Variants in SRGAP3 observed in about 807,000 individuals in gnomAD.
SRGAP3 encodes SLIT-ROBO Rho GTPase activating protein 3.
A neutral mutation model predicts 121.1 loss-of-function variants in SRGAP3; 39 were observed. The observed-to-expected ratio is 0.32, with a 90% CI of 0.25 to 0.42. The LOEUF (loss-of-function observed/expected upper bound fraction) is 0.42, where lower values mean the gene tolerates loss of function less well. SRGAP3 is among the 10% of genes least tolerant of loss of function. The pLI, the probability that SRGAP3 is intolerant of heterozygous loss-of-function variation, is 1.00. For missense variants in SRGAP3, 1,213 were observed against 1,470.6 expected, an observed-to-expected ratio of 0.82 and a Z score of 2.86; for synonymous variants, 601 against 570.0, an observed-to-expected ratio of 1.05 and a Z score of -0.77.
chr3:9,001,515 A>G (rs890120857), intron 18 of SRGAP3, among the ~76,000 whole-genome samples: 4 of 152,226 alleles, frequency 2.6e-5, no homozygotes, highest in African/African-American at 9.6e-5. Flanking sequence ...AAGAAGGAAT[A>G]GAGGAACAAA....
At chr3:9,080,229 C>CA in intron 3 of SRGAP3, 142 bp from the exon 4 acceptor site, 1 of 752,872 alleles carries the variant, frequency 1.3e-6, no homozygotes. Context: ...CATTGATCTA[C>CA]AACAACATAA....
intron 10 of SRGAP3, among the ~76,000 whole-genome samples, chr3:9,039,117 G>A (rs1329152556): frequency 6.6e-6 from 1 of 152,138 alleles, no homozygotes; most frequent in Middle Eastern, 3.2e-3. Flanking sequence ...ATCTCCTTGA[G>A]GCTGAATCCA....
At chr3:9,009,106 C>T (rs1036104509) in intron 18 of SRGAP3, among the ~76,000 whole-genome samples, 2 of 152,192 alleles carry the variant, frequency 1.3e-5, no homozygotes, top group African/African-American at 4.8e-5. Flanking sequence ...GGTATAGGAA[C>T]TTACTCTCTC....
At chr3:9,039,899 A>G (rs1944938681) in intron 10 of SRGAP3, among the ~76,000 whole-genome samples, 1 of 152,210 alleles carries the variant, frequency 6.6e-6, no homozygotes, top group Non-Finnish European at 1.5e-5. Context: ...GCCTTCTTTT[A>G]TCTCAAACCT....
At chr3:9,289,283 C>T (rs191710447) in intron 3 of SRGAP3, among the ~76,000 whole-genome samples, 148 of 152,322 alleles carry the variant, frequency 9.7e-4, no homozygotes, top group African/African-American at 3.3e-3. Flanking sequence ...TATTCTGTGA[C>T]TGATAATTAT....
intron 3 of SRGAP3, among the ~76,000 whole-genome samples, chr3:9,099,015 A>G (rs561283759): frequency 6.6e-6 from 1 of 152,262 alleles, no homozygotes; most frequent in African/African-American, 2.4e-5. Flanking sequence ...TGGACCCTCC[A>G]GCATGCAAAC....
chr3:9,144,672 A>G (rs1949966116), intron 1 of SRGAP3, among the ~76,000 whole-genome samples: 1 of 152,218 alleles, frequency 6.6e-6, no homozygotes, highest in African/African-American at 2.4e-5. Context: ...CCACCATGTA[A>G]GAAGTGCCTT....
chr3:9,185,068 T>C (rs2125128174), intron 1 of SRGAP3, among the ~76,000 whole-genome samples: 1 of 152,210 alleles, frequency 6.6e-6, no homozygotes, highest in South Asian at 2.1e-4. Flanking sequence ...TCTAAAACTA[T>C]AAAAAATTAG....
intron 3 of SRGAP3, among the ~76,000 whole-genome samples, chr3:9,081,074 A>C (rs1484749545): frequency 6.6e-6 from 1 of 152,326 alleles, no homozygotes; most frequent in Non-Finnish European, 1.5e-5. Flanking sequence ...CCACTGCTCC[A>C]GAAGATGTTT....
At chr3:9,102,937 G>A (rs931945345) in intron 3 of SRGAP3, among the ~76,000 whole-genome samples, 2 of 152,180 alleles carry the variant, frequency 1.3e-5, no homozygotes, top group African/African-American at 2.4e-5. Context: ...CAGCAGGCGG[G>A]GGCTGGGAAT....
At chr3:9,286,986 C>CTTT (rs36096507) in intron 3 of SRGAP3, among the ~76,000 whole-genome samples, 3,947 of 79,156 alleles carry the variant, frequency 0.05, 586 homozygotes, top group African/African-American at 0.15. Context: ...CACTGACACT[C>CTTT]TTTTTTTTTT....
intron 2 of SRGAP3, among the ~76,000 whole-genome samples, chr3:9,115,584 A>T (rs1038482871): frequency 2.6e-5 from 4 of 152,196 alleles, no homozygotes; most frequent in Non-Finnish European, 5.9e-5. Context: ...AGCTACAGCC[A>T]TTGCAAAATC....
At chr3:9,169,858 G>A (rs538541376) in intron 1 of SRGAP3, among the ~76,000 whole-genome samples, 25 of 152,282 alleles carry the variant, frequency 1.6e-4, no homozygotes, top group African/African-American at 6.0e-4. Context: ...GAAAAGCCTT[G>A]GAAGTCAGGG....
chr3:9,038,108 C>T lies in SRGAP3; in HGVS notation c.1409-18G>A, dbSNP rs1267361333. 6.2e-7 allele frequency: 1 copy of T among 1,614,132 alleles called. No individual in the cohort carries two copies. Among genetic ancestry groups the T allele is most frequent in the Admixed American group, 1.7e-5 (1 of 60,030 alleles). ...TCTTTCCCCTGCAAAGAAAAGTATA[C>T]ATGAATGTTTAATTGCCTTTTCTTT... On this transcript the variant is annotated intron_variant, in intron 10 of 21. Transcript: ENST00000383836.
intron 1 of SRGAP3, among the ~76,000 whole-genome samples, chr3:9,135,531 G>A (rs1949612922): frequency 6.6e-6 from 1 of 152,236 alleles, no homozygotes; most frequent in Non-Finnish European, 1.5e-5. Flanking sequence ...AGCAGAGCCT[G>A]GACTCTGGAG....
chr3:9,061,724 T>C (rs933285593), intron 5 of SRGAP3, among the ~76,000 whole-genome samples: 2 of 152,136 alleles, frequency 1.3e-5, no homozygotes, highest in Admixed American at 1.3e-4. Context: ...TTTCAGTGAC[T>C]GGAGGACAGG....
At chr3:9,213,656 T>C (rs1255247022) in intron 1 of SRGAP3, among the ~76,000 whole-genome samples, 1 of 152,182 alleles carries the variant, frequency 6.6e-6, no homozygotes, top group Non-Finnish European at 1.5e-5. Flanking sequence ...ATTGGTCCCA[T>C]CACCTCCCTG....
intron 3 of SRGAP3, among the ~76,000 whole-genome samples, chr3:9,276,688 G>T (rs1332502919): frequency 2.6e-5 from 4 of 152,168 alleles, no homozygotes; most frequent in Non-Finnish European, 5.9e-5. Flanking sequence ...GCCTCCCAAA[G>T]TGCTAGAATT....
At chr3:9,132,431 C>G (rs1275902292) in intron 1 of SRGAP3, among the ~76,000 whole-genome samples, 1 of 152,198 alleles carries the variant, frequency 6.6e-6, no homozygotes, top group Non-Finnish European at 1.5e-5. Context: ...CTCACTTACC[C>G]CAACCCTTGG....
Sources: gnomAD v4.1 joint callset for allele counts (sites outside exome capture counted in the v4.1 genomes callset) on GRCh38, gnomAD v4.1.1 for gene constraint, MANE v1.5 for transcripts, NCBI Gene and HGNC (gene_info 2026-07-23, HGNC 2026-07-21) for gene names.